The following FMN1 variants were observed in gnomAD, a reference collection of about 807,000 sequenced individuals.
FMN1 encodes formin 1.
In FMN1, 110 loss-of-function variants were observed where a neutral mutation model predicts 132.4. That is an observed-to-expected ratio of 0.83 (90% CI 0.71 to 0.97). FMN1 has a LOEUF of 0.97. Among genes scored for constraint, FMN1 ranks in the 50% least tolerant of loss-of-function variants. FMN1 has a pLI of 0.00. For synonymous variants in FMN1, 722 were observed against 651.7 expected, an observed-to-expected ratio of 1.11 and a Z score of -1.64; for missense variants, 1,792 against 1,705.3, an observed-to-expected ratio of 1.05 and a Z score of -0.90.
intron 7 of FMN1, among the ~76,000 whole-genome samples, chr15:32,989,979 G>A (rs1258853058): frequency 6.6e-6 from 1 of 152,120 alleles, no homozygotes; most frequent in Admixed American, 6.6e-5. Context: ...AGAGGAGGAG[G>A]ATTCAGAAGG....
intron 4 of FMN1, among the ~76,000 whole-genome samples, chr15:33,149,359 T>C (rs887643868): frequency 3.3e-5 from 5 of 152,232 alleles, no homozygotes; most frequent in South Asian, 2.1e-4. Flanking sequence ...TCTAGATCAG[T>C]ACTCTGAACA....
At chr15:32,956,699 A>G (rs1348892429) in intron 9 of FMN1, among the ~76,000 whole-genome samples, 2 of 152,232 alleles carry the variant, frequency 1.3e-5, no homozygotes, top group African/African-American at 4.8e-5. Context: ...TGAAAAACGT[A>G]AAGGGGTAGA....
intron 10 of FMN1, among the ~76,000 whole-genome samples, chr15:32,924,874 A>G (rs2060919470): frequency 6.6e-6 from 1 of 152,210 alleles, no homozygotes; most frequent in Non-Finnish European, 1.5e-5. Context: ...AGATCACGCC[A>G]CTGCACTCCA....
At chr15:33,108,310 A>G (rs1432746465) in intron 4 of FMN1, among the ~76,000 whole-genome samples, 1 of 152,124 alleles carries the variant, frequency 6.6e-6, no homozygotes, top group Non-Finnish European at 1.5e-5. Context: ...GGAGGGGGAA[A>G]AACATAAAGC....
At chr15:33,081,889 A>T (rs889925181) in intron 5 of FMN1, among the ~76,000 whole-genome samples, 6 of 152,160 alleles carry the variant, frequency 3.9e-5, no homozygotes, top group Admixed American at 3.9e-4. Flanking sequence ...ATAAGATACA[A>T]TTACTTGGAA....
chr15:32,869,223 T>A (rs1398747010), intron 16 of FMN1, among the ~76,000 whole-genome samples: 1 of 152,116 alleles, frequency 6.6e-6, no homozygotes, highest in Non-Finnish European at 1.5e-5. Flanking sequence ...CATTCAGATT[T>A]TGGTGTAAAG....
chr15:33,102,032 A>G (rs1187515610), intron 4 of FMN1, among the ~76,000 whole-genome samples: 1 of 151,994 alleles, frequency 6.6e-6, no homozygotes, highest in Non-Finnish European at 1.5e-5. Context: ...TTCCTCTACC[A>G]AGTTTACTTG....
At chr15:32,881,094 G>A (rs1236610703) in intron 16 of FMN1, among the ~76,000 whole-genome samples, 1 of 141,506 alleles carries the variant, frequency 7.1e-6, no homozygotes, top group Non-Finnish European at 1.6e-5. Context: ...TGTATATTTT[G>A]TATATTAATC....
chr15:32,788,419 G>C (rs898668614), intron 19 of FMN1, among the ~76,000 whole-genome samples: 2 of 152,194 alleles, frequency 1.3e-5, no homozygotes, highest in African/African-American at 4.8e-5. Flanking sequence ...ACATGCATGT[G>C]CTAGCAGATG....
intron 19 of FMN1, among the ~76,000 whole-genome samples, chr15:32,781,210 G>C (rs942834016): frequency 1.3e-5 from 2 of 152,044 alleles, no homozygotes; most frequent in African/African-American, 4.8e-5. Context: ...AATACTTAAA[G>C]ATCTATCAAC....
chr15:32,827,488 C>T (rs2058395473), intron 17 of FMN1, among the ~76,000 whole-genome samples: 1 of 152,174 alleles, frequency 6.6e-6, no homozygotes, highest in African/African-American at 2.4e-5. Context: ...GTTTGTACCA[C>T]TTTCTAACAA....
intron 5 of FMN1, among the ~76,000 whole-genome samples, chr15:33,073,131 T>C (rs2141285685): frequency 6.6e-6 from 1 of 152,334 alleles, no homozygotes; most frequent in East Asian, 1.9e-4. Flanking sequence ...AAGGGCCCCC[T>C]TACTCTTTGT....
At chr15:32,796,880 ATGT>A (rs1202399443) in intron 19 of FMN1, among the ~76,000 whole-genome samples, 3 of 152,210 alleles carry the variant, frequency 2.0e-5, no homozygotes, top group Admixed American at 2.0e-4. Flanking sequence ...ACTTTCAGAG[ATGT>A]TGTTTTAGGG....
At chr15:33,148,293 A>G (rs944740505) in intron 4 of FMN1, among the ~76,000 whole-genome samples, 3 of 152,090 alleles carry the variant, frequency 2.0e-5, no homozygotes, top group African/African-American at 4.8e-5. Context: ...GCCTCTTATA[A>G]TCTACTCATA....
At chr15:33,016,200 A>C (rs1375295575) in intron 6 of FMN1, among the ~76,000 whole-genome samples, 1 of 152,234 alleles carries the variant, frequency 6.6e-6, no homozygotes, top group Admixed American at 6.5e-5. Flanking sequence ...TGACATTTGA[A>C]AAAATATGCT....
intron 4 of FMN1, among the ~76,000 whole-genome samples, chr15:33,126,253 G>A (rs1272309124): frequency 6.6e-6 from 1 of 152,162 alleles, no homozygotes; most frequent in Non-Finnish European, 1.5e-5. Flanking sequence ...AGGAAGATGG[G>A]TGGAAAGATC....
At chr15:33,166,543 C>T (rs929076542) in intron 3 of FMN1, among the ~76,000 whole-genome samples, 6 of 152,064 alleles carry the variant, frequency 3.9e-5, no homozygotes, top group African/African-American at 1.4e-4. Flanking sequence ...GAAGTAGATA[C>T]CTTCTAAGAA....
intron 4 of FMN1, among the ~76,000 whole-genome samples, chr15:33,102,043 T>C (rs949640108): frequency 6.6e-6 from 1 of 152,166 alleles, no homozygotes; most frequent in Non-Finnish European, 1.5e-5. Flanking sequence ...AGTTTACTTG[T>C]GTCTTCCAAA....
chr15:32,960,325 A>T (rs1015694963), intron 9 of FMN1, among the ~76,000 whole-genome samples: 1 of 152,190 alleles, frequency 6.6e-6, no homozygotes, highest in East Asian at 1.9e-4. Flanking sequence ...ACAGAAAGGG[A>T]AATCCACCCC....
Sources: allele counts gnomAD v4.1 joint callset (sites outside exome capture counted in the v4.1 genomes callset), GRCh38; gene constraint gnomAD v4.1.1; transcripts MANE v1.5; gene names NCBI Gene and HGNC (gene_info 2026-07-23, HGNC 2026-07-21).